The following DIAPH3 variants were observed in gnomAD, a reference collection of about 807,000 sequenced individuals.
DIAPH3 encodes protein diaphanous homolog 3.
Under a neutral mutation model 144.3 loss-of-function variants are expected in DIAPH3, and 117 were observed. The observed-to-expected ratio is 0.81, with a 90% CI of 0.70 to 0.95. The LOEUF (loss-of-function observed/expected upper bound fraction) is 0.95. Ranked by LOEUF, DIAPH3 falls within the 40% of genes least tolerant of loss-of-function variation. The probability of loss-of-function intolerance (pLI) is 0.00; values close to 1 mark genes in which losing one functional copy is unlikely to be tolerated. For synonymous variants in DIAPH3, 519 were observed against 488.9 expected, an observed-to-expected ratio of 1.06 and a Z score of -0.81; for missense variants, 1,421 against 1,412.7, an observed-to-expected ratio of 1.01 and a Z score of -0.09.
chr13:60,097,533 G>A (rs1378326396), intron 3 of DIAPH3, among the ~76,000 whole-genome samples: 1 of 152,170 alleles, frequency 6.6e-6, no homozygotes, highest in African/African-American at 2.4e-5. Flanking sequence ...CATGCTTCTT[G>A]TACAGCTTGC....
At chr13:60,151,897 T>C (rs1363508107) in intron 1 of DIAPH3, among the ~76,000 whole-genome samples, 2 of 152,226 alleles carry the variant, frequency 1.3e-5, no homozygotes, top group Non-Finnish European at 2.9e-5. Flanking sequence ...TTTCCCAGGC[T>C]GTCAATTTTT....
chr13:60,128,946 AAATAT>A (rs1039748913), intron 2 of DIAPH3, among the ~76,000 whole-genome samples: 2 of 152,208 alleles, frequency 1.3e-5, no homozygotes, highest in African/African-American at 4.8e-5. Flanking sequence ...CTACAAAATA[AAATAT>A]ATTTCTTAAT....
chr13:59,958,867 CTTTT>C (rs932649097), intron 17 of DIAPH3, among the ~76,000 whole-genome samples: 1 of 94,342 alleles, frequency 1.1e-5, no homozygotes, highest in African/African-American at 4.1e-5. Flanking sequence ...CTTCAATAAA[CTTTT>C]TTTTTTTTTT....
At chr13:60,109,327 C>T (rs950628202) in intron 3 of DIAPH3, among the ~76,000 whole-genome samples, 1 of 152,106 alleles carries the variant, frequency 6.6e-6, no homozygotes, top group East Asian at 1.9e-4. Flanking sequence ...TCACAAAGTC[C>T]GTGGTAATTT....
intron 23 of DIAPH3, among the ~76,000 whole-genome samples, chr13:59,834,050 A>G (rs2041919371): frequency 6.6e-6 from 1 of 151,792 alleles, no homozygotes; most frequent in African/African-American, 2.4e-5. Context: ...ATGATTACAC[A>G]CACAGGCACA....
At chr13:60,092,637 T>C (rs4886204) in intron 4 of DIAPH3, among the ~76,000 whole-genome samples, 84,371 of 151,238 alleles carry the variant, frequency 0.56, 24,009 homozygotes, top group Admixed American at 0.61. Context: ...GGCGACAGAG[T>C]GAGACTCCGT....
intron 21 of DIAPH3, among the ~76,000 whole-genome samples, chr13:59,874,817 A>G (rs919095321): frequency 6.6e-6 from 1 of 152,240 alleles, no homozygotes; most frequent in Admixed American, 6.5e-5. Flanking sequence ...AGTTGATTCA[A>G]TCAATCACCT....
At chr13:60,135,331 G>T (rs536022057) in intron 1 of DIAPH3, among the ~76,000 whole-genome samples, 2 of 151,396 alleles carry the variant, frequency 1.3e-5, no homozygotes, top group South Asian at 4.2e-4. Context: ...TTTCCTAAAG[G>T]CTTGATCTGT....
Position 59,987,817 on chromosome 13 carries a change from C to CAA in DIAPH3, c.1361+3339_1361+3340dup, listed in dbSNP as rs540820835. Reference sequence around the variant, plus strand: ...ACAAGAAAGATGTCTCAGAAAGGGACAAAAAAAAAAAGATTTAATAAATGT... The same window carrying CAA: ...ACAAGAAAGATGTCTCAGAAAGGGACAAAAAAAAAAAAAGATTTAATAAATGT... On this transcript the variant is annotated intron_variant, in intron 12 of 27. Coordinates refer to ENST00000400324, the MANE Select transcript of DIAPH3 (RefSeq NM_001042517.2). Among the ~76,000 whole-genome samples, 1,229 of 141,222 alleles carry CAA rather than the reference C, an allele frequency of 8.7e-3. 23 individuals carry two copies. Among genetic ancestry groups the CAA allele is most frequent in the African/African-American group, 0.029 (1,140 of 38,892 alleles). 92.6% of individuals were successfully genotyped at this position (141,222 alleles called of 152,430 possible).
At chr13:59,717,972 C>A (rs1290976439) in intron 27 of DIAPH3, among the ~76,000 whole-genome samples, 1 of 152,112 alleles carries the variant, frequency 6.6e-6, no homozygotes, top group Non-Finnish European at 1.5e-5. Flanking sequence ...ACTAAACATA[C>A]AACCTGTAAT....
chr13:59,947,518 C>T (rs2048860639), intron 17 of DIAPH3, among the ~76,000 whole-genome samples: 1 of 151,968 alleles, frequency 6.6e-6, no homozygotes, highest in Non-Finnish European at 1.5e-5. Flanking sequence ...AATTTAAAGA[C>T]AGAAAAGCAG....
intron 27 of DIAPH3, among the ~76,000 whole-genome samples, chr13:59,759,857 G>T (rs1013838760): frequency 1.3e-5 from 2 of 151,958 alleles, no homozygotes; most frequent in African/African-American, 4.8e-5. Flanking sequence ...GAGGCAAGGA[G>T]AATTGCTTGA....
At chr13:59,922,609 T>C (rs1566521763) in intron 18 of DIAPH3, among the ~76,000 whole-genome samples, 1 of 152,030 alleles carries the variant, frequency 6.6e-6, no homozygotes, top group Non-Finnish European at 1.5e-5. Flanking sequence ...CTAAATTTCA[T>C]GACAAAAAAC....
chr13:59,843,800 GTGAGAATTC>G (rs1277151500), intron 22 of DIAPH3, among the ~76,000 whole-genome samples: 1 of 152,166 alleles, frequency 6.6e-6, no homozygotes, highest in Non-Finnish European at 1.5e-5. Flanking sequence ...AGAAAGCAGC[GTGAGAATTC>G]TGGGCTAAGA....
chr13:60,157,342 A>T (rs1952082596), intron 1 of DIAPH3, among the ~76,000 whole-genome samples: 1 of 152,214 alleles, frequency 6.6e-6, no homozygotes, highest in African/African-American at 2.4e-5. Context: ...CAAAATAAGC[A>T]TCACATCCTG....
At chr13:60,156,391 C>T (rs1271249458) in intron 1 of DIAPH3, among the ~76,000 whole-genome samples, 1 of 152,096 alleles carries the variant, frequency 6.6e-6, no homozygotes, top group Non-Finnish European at 1.5e-5. Context: ...AAGTATGAAA[C>T]TCAAACAAGG....
rs149549220 is a variant in DIAPH3, at chr13:59,795,175, A to G, written c.3163+15613T>C. Among the ~76,000 whole-genome samples, 727 of 152,348 alleles carry G rather than the reference A, an allele frequency of 4.8e-3. 8 individuals carry two copies. The highest frequency in any genetic ancestry group is 7.7e-3 in the Non-Finnish European group (527 of 68,038). On this transcript the variant is annotated intron_variant, in intron 25 of 27. Coordinates refer to ENST00000400324, the MANE Select transcript of DIAPH3 (RefSeq NM_001042517.2). ...AGATTAAGAATGTACGAGAAGCACA[A>G]GACGCAAGACTCTTCAGGCCAAAGG...
chr13:59,758,814 C>T (rs1480374981), intron 27 of DIAPH3, among the ~76,000 whole-genome samples: 1 of 149,462 alleles, frequency 6.7e-6, no homozygotes, highest in African/African-American at 2.5e-5. Context: ...GGGTCTTGCT[C>T]TGTCCCTTAG....
chr13:59,824,109 G>C (rs1484344787), intron 24 of DIAPH3, among the ~76,000 whole-genome samples: 1 of 152,058 alleles, frequency 6.6e-6, no homozygotes, highest in Non-Finnish European at 1.5e-5. Flanking sequence ...AGCTATACAT[G>C]TGAAACAGGT....
Sources: gnomAD v4.1 joint callset for allele counts (sites outside exome capture counted in the v4.1 genomes callset) on GRCh38, gnomAD v4.1.1 for gene constraint, MANE v1.5 for transcripts, NCBI Gene and HGNC (gene_info 2026-07-23, HGNC 2026-07-21) for gene names.